FRMD4B: variants seen among roughly 807,000 people sequenced by gnomAD.
FRMD4B encodes FERM domain containing 4B, also known as FERM domain-containing protein 4B.
A neutral mutation model predicts 141.5 loss-of-function variants in FRMD4B; 74 were observed. The ratio of observed to expected loss-of-function variants is 0.52; its 90% confidence interval spans 0.43 to 0.63. The LOEUF (loss-of-function observed/expected upper bound fraction) is 0.63. Ranked by LOEUF, FRMD4B falls within the 30% of genes least tolerant of loss-of-function variation. FRMD4B has a pLI of 0.00. For synonymous variants in FRMD4B, 506 were observed against 467.9 expected (o/e 1.08, Z -1.05); for missense variants, 1,366 against 1,253.4 (o/e 1.09, Z -1.36).
At chr3:69,522,228 G>T (rs764788386) in intron 1 of FRMD4B, among the ~76,000 whole-genome samples, 3 of 151,914 alleles carry the variant, frequency 2.0e-5, no homozygotes, top group Non-Finnish European at 4.4e-5. Context: ...CTTTCTCATC[G>T]TTTCCAGATC....
chr3:69,459,116 A>G (rs972126810), intron 1 of FRMD4B, among the ~76,000 whole-genome samples: 12 of 152,212 alleles, frequency 7.9e-5, no homozygotes, highest in Admixed American at 7.2e-4. Flanking sequence ...TGGTACTTCC[A>G]TGTTTATGAT....
intron 1 of FRMD4B, among the ~76,000 whole-genome samples, chr3:69,494,687 T>C (rs1467502193): frequency 1.3e-5 from 2 of 151,792 alleles, no homozygotes. Flanking sequence ...AGGTCAGGGG[T>C]TTGAGACCAG....
At chr3:69,524,998 T>C (rs1426967335) in intron 1 of FRMD4B, among the ~76,000 whole-genome samples, 3 of 152,178 alleles carry the variant, frequency 2.0e-5, no homozygotes, top group African/African-American at 7.2e-5. Context: ...AGCTGGGCAC[T>C]GCCCAACCAA....
chr3:69,462,020 C>G (rs1220151014), intron 1 of FRMD4B, among the ~76,000 whole-genome samples: 2 of 152,148 alleles, frequency 1.3e-5, no homozygotes, highest in African/African-American at 4.8e-5. Flanking sequence ...CAATATTTTG[C>G]TTACGGGTGA....
chr3:69,526,643 A>G (rs962298144), intron 1 of FRMD4B, among the ~76,000 whole-genome samples: 1 of 152,142 alleles, frequency 6.6e-6, no homozygotes, highest in African/African-American at 2.4e-5. Context: ...TGGTCTATTA[A>G]ATGAGGCCAA....
At chr3:69,211,560 TG>T (rs2093079922) in intron 11 of FRMD4B, among the ~76,000 whole-genome samples, 1 of 152,216 alleles carries the variant, frequency 6.6e-6, no homozygotes, top group Non-Finnish European at 1.5e-5. Context: ...TGGGAGATCT[TG>T]GAACAACTCC....
At chr3:69,275,225 G>C (rs1235351863) in intron 5 of FRMD4B, among the ~76,000 whole-genome samples, 2 of 152,012 alleles carry the variant, frequency 1.3e-5, no homozygotes, top group African/African-American at 4.8e-5. Context: ...TGTTGTACTT[G>C]TATGCATTTT....
intron 22 of FRMD4B, among the ~76,000 whole-genome samples, chr3:69,174,665 T>C (rs1158147307): frequency 6.6e-6 from 1 of 152,188 alleles, no homozygotes; most frequent in Non-Finnish European, 1.5e-5. Context: ...CTGATATATA[T>C]GAGCAGACTT....
chr3:69,469,516 T>C (rs1705852710), intron 1 of FRMD4B, among the ~76,000 whole-genome samples: 1 of 152,208 alleles, frequency 6.6e-6, no homozygotes, highest in Non-Finnish European at 1.5e-5. Flanking sequence ...TTGGCCCAGT[T>C]TATTACCTTG....
intron 1 of FRMD4B, among the ~76,000 whole-genome samples, chr3:69,343,577 G>GTTTTTGTT (rs775904583): frequency 7.9e-6 from 1 of 126,534 alleles, no homozygotes; most frequent in Non-Finnish European, 1.6e-5. Flanking sequence ...ACAGTTTTTT[G>GTTTTTGTT]TTTTTTTTTT....
intron 4 of FRMD4B, among the ~76,000 whole-genome samples, chr3:69,290,541 T>G (rs1700839044): frequency 6.6e-6 from 1 of 152,182 alleles, no homozygotes; most frequent in African/African-American, 2.4e-5. Context: ...TACTTGGTGG[T>G]GGCTGTTTCC....
At chr3:69,212,069 A>T (rs2093086546) in intron 11 of FRMD4B, among the ~76,000 whole-genome samples, 1 of 151,168 alleles carries the variant, frequency 6.6e-6, no homozygotes, top group South Asian at 2.1e-4. Context: ...CAAGAAAGTG[A>T]TAACATGGGC....
At chr3:69,447,547 T>A (rs916946621) in intron 1 of FRMD4B, among the ~76,000 whole-genome samples, 6 of 152,246 alleles carry the variant, frequency 3.9e-5, no homozygotes, top group Admixed American at 3.3e-4. Context: ...AGATATGGAA[T>A]ATTTCTCTTT....
chr3:69,299,961 A>G (rs1701160207), intron 4 of FRMD4B, among the ~76,000 whole-genome samples: 3 of 152,180 alleles, frequency 2.0e-5, no homozygotes, highest in Non-Finnish European at 4.4e-5. Context: ...ATGAGCGAAC[A>G]TCAAGACAGA....
chr3:69,520,660 T>A (rs2107128920), intron 1 of FRMD4B, among the ~76,000 whole-genome samples: 1 of 152,024 alleles, frequency 6.6e-6, no homozygotes, highest in East Asian at 2.0e-4. Flanking sequence ...AATATTCTTT[T>A]TTTCTTCCTG....
At chr3:69,531,521 A>G (rs1407819481) in intron 1 of FRMD4B, among the ~76,000 whole-genome samples, 3 of 152,260 alleles carry the variant, frequency 2.0e-5, no homozygotes, top group Admixed American at 6.5e-5. Flanking sequence ...CAAATCACTT[A>G]TTCCTTGACA....
At chr3:69,341,236 C>T (rs77800616) in intron 1 of FRMD4B, among the ~76,000 whole-genome samples, 6 of 152,136 alleles carry the variant, frequency 3.9e-5, no homozygotes, top group Admixed American at 2.6e-4. Context: ...ACAGTTACCA[C>T]GAACAACCTC....
At chr3:69,385,067 TAA>T (rs111527962) in intron 1 of FRMD4B, among the ~76,000 whole-genome samples, 4 of 140,816 alleles carry the variant, frequency 2.8e-5, no homozygotes. Context: ...AATTACTGTC[TAA>T]AAAAAAAAAA....
chr3:69,248,023 C>T (rs1325157360), intron 7 of FRMD4B, among the ~76,000 whole-genome samples: 1 of 150,084 alleles, frequency 6.7e-6, no homozygotes, highest in African/African-American at 2.5e-5. Context: ...AACTCCTGGC[C>T]TCAAGTGATC....
Sources: allele counts gnomAD v4.1 joint callset (sites outside exome capture counted in the v4.1 genomes callset), GRCh38; gene constraint gnomAD v4.1.1; transcripts MANE v1.5; gene names NCBI Gene and HGNC (gene_info 2026-07-23, HGNC 2026-07-21).